Variants in DIAPH3 observed in about 807,000 individuals in gnomAD.
DIAPH3 encodes protein diaphanous homolog 3.
DIAPH3 carries 117 observed loss-of-function variants against 144.3 expected under a neutral mutation model. The observed-to-expected ratio is 0.81, with a 90% CI of 0.70 to 0.95. DIAPH3 has a LOEUF of 0.95. DIAPH3 is among the 40% of genes least tolerant of loss of function. The probability of loss-of-function intolerance (pLI) is 0.00; values close to 1 mark genes in which losing one functional copy is unlikely to be tolerated. For missense variants in DIAPH3, 1,421 were observed against 1,412.7 expected (o/e 1.01, Z -0.09); for synonymous variants, 519 against 488.9 (o/e 1.06, Z -0.81).
At chr13:59,890,257 C>T (rs1358502598) in intron 20 of DIAPH3, among the ~76,000 whole-genome samples, 1 of 152,044 alleles carries the variant, frequency 6.6e-6, no homozygotes, top group Non-Finnish European at 1.5e-5. Context: ...GTTTCACTGC[C>T]ATAAATTCTG....
Position 59,911,881 on chromosome 13 carries a change from C to A in DIAPH3, c.2266-45G>T, listed in dbSNP as rs762889412. On this transcript the variant is annotated intron_variant, in intron 19 of 27. Transcript: ENST00000400324. ...AGAAAGATCTTCACTAAATGTACTT[C>A]TTGAATTTTAAAAATATAATTTAAA... 1.4e-5 allele frequency: 19 copies of A among 1,336,736 alleles called. 1 individual carries two copies. In the Middle Eastern group the frequency reaches 5.7e-4, roughly 40 times the overall value. The allele number at this position is 1,336,736 out of a possible 1,614,324, so 82.8% of individuals were successfully genotyped here.
chr13:59,748,312 G>T (rs2036806727), intron 27 of DIAPH3, among the ~76,000 whole-genome samples: 3 of 152,172 alleles, frequency 2.0e-5, no homozygotes, highest in Admixed American at 6.5e-5. Context: ...GAGGGCTGCT[G>T]TGGCTTGATC....
At chr13:59,859,439 A>G (rs758991921) in intron 22 of DIAPH3, among the ~76,000 whole-genome samples, 1 of 152,218 alleles carries the variant, frequency 6.6e-6, no homozygotes, top group South Asian at 2.1e-4. Context: ...ACAAATTATA[A>G]TATCAATAAA....
chr13:60,000,384 T>C (rs988914033), intron 9 of DIAPH3, among the ~76,000 whole-genome samples: 1 of 151,434 alleles, frequency 6.6e-6, no homozygotes, highest in Non-Finnish European at 1.5e-5. Context: ...ATGGTTAAAA[T>C]GGTAAATTTC....
intron 20 of DIAPH3, among the ~76,000 whole-genome samples, chr13:59,903,278 G>A (rs1431820862): frequency 2.0e-5 from 3 of 152,162 alleles, no homozygotes; most frequent in Non-Finnish European, 4.4e-5. Flanking sequence ...AACACCTAAG[G>A]AATGCAAGAA....
chr13:59,943,020 T>C (rs573609034), intron 17 of DIAPH3, among the ~76,000 whole-genome samples: 4 of 152,306 alleles, frequency 2.6e-5, no homozygotes, highest in Admixed American at 2.0e-4. Context: ...TTTTTCCATA[T>C]ATATATAAGC....
intron 25 of DIAPH3, among the ~76,000 whole-genome samples, chr13:59,805,768 G>T (rs977300843): frequency 3.3e-5 from 5 of 151,904 alleles, no homozygotes; most frequent in Admixed American, 1.3e-4. Flanking sequence ...TCTTAGTTTG[G>T]TTGCTCAGAA....
intron 22 of DIAPH3, among the ~76,000 whole-genome samples, chr13:59,850,685 A>C (rs1195678179): frequency 3.3e-5 from 5 of 152,140 alleles, no homozygotes; most frequent in African/African-American, 1.2e-4. Context: ...TGATCATGAT[A>C]AAGGGGATAT....
intron 1 of DIAPH3, among the ~76,000 whole-genome samples, chr13:60,150,662 CA>C (rs1258536170): frequency 6.6e-6 from 1 of 152,140 alleles, no homozygotes; most frequent in Non-Finnish European, 1.5e-5. Context: ...CACAGATACC[CA>C]GTGTCTAAGG....
chr13:60,113,871 G>C (rs1487472955), intron 2 of DIAPH3, among the ~76,000 whole-genome samples: 1 of 152,104 alleles, frequency 6.6e-6, no homozygotes, highest in Non-Finnish European at 1.5e-5. Context: ...CAGCCATTTG[G>C]CAAGTCTACA....
intron 27 of DIAPH3, among the ~76,000 whole-genome samples, chr13:59,698,013 T>C (rs762514404): frequency 3.9e-5 from 6 of 152,198 alleles, no homozygotes; most frequent in Non-Finnish European, 8.8e-5. Flanking sequence ...TACATTATCT[T>C]AAATTATGGT....
At chr13:59,749,227 A>G in intron 27 of DIAPH3, among the ~76,000 whole-genome samples, 1 of 148,642 alleles carries the variant, frequency 6.7e-6, no homozygotes, top group African/African-American at 2.5e-5. Context: ...AAAAAAAAAA[A>G]AAAAAAAGTA....
chr13:59,739,551 C>T (rs2036339530), intron 27 of DIAPH3, among the ~76,000 whole-genome samples: 1 of 152,134 alleles, frequency 6.6e-6, no homozygotes, highest in Non-Finnish European at 1.5e-5. Flanking sequence ...TACTCTGGAA[C>T]AGGCATTTTG....
intron 25 of DIAPH3, among the ~76,000 whole-genome samples, chr13:59,792,216 G>A (rs1020996107): frequency 1.3e-5 from 2 of 152,140 alleles, no homozygotes; most frequent in African/African-American, 4.8e-5. Flanking sequence ...CACAGGTGGA[G>A]GACATGGGAA....
In DIAPH3 at chr13:60,155,537, T is replaced by C. The variant is rs551552449; in HGVS notation, c.180+8050A>G. 2.0e-5 allele frequency among the ~76,000 whole-genome samples: 3 copies of C among 152,340 alleles called. No individual in the cohort carries two copies. The East Asian group carries it at 5.8e-4, about 29-fold the overall frequency. The stretch of plus-strand genomic sequence containing the variant: ...GGCTGGGAAAATTCAGAGCAATTTC[T>C]TAGAACAGCAGCCTGAATAAAATGA... On this transcript the variant is annotated intron_variant, in intron 1 of 27. Coordinates refer to ENST00000400324, the MANE Select transcript of DIAPH3 (RefSeq NM_001042517.2).
chr13:59,966,785 C>G (rs1210283161), intron 17 of DIAPH3, among the ~76,000 whole-genome samples: 1 of 152,148 alleles, frequency 6.6e-6, no homozygotes, highest in East Asian at 1.9e-4. Flanking sequence ...GATGGAATGT[C>G]CATCTTTGTA....
At chr13:59,851,959 T>C (rs1459253146) in intron 22 of DIAPH3, among the ~76,000 whole-genome samples, 1 of 152,130 alleles carries the variant, frequency 6.6e-6, no homozygotes, top group Non-Finnish European at 1.5e-5. Flanking sequence ...TTTTTTTTTT[T>C]CTGTCACTCA....
At chr13:60,009,587 C>G (rs1015491897) in intron 8 of DIAPH3, among the ~76,000 whole-genome samples, 1 of 152,206 alleles carries the variant, frequency 6.6e-6, no homozygotes, top group African/African-American at 2.4e-5. Flanking sequence ...AATACTGAAG[C>G]TGTATGCCTG....
intron 20 of DIAPH3, among the ~76,000 whole-genome samples, chr13:59,885,249 C>G (rs2045358245): frequency 6.6e-6 from 1 of 152,010 alleles, no homozygotes; most frequent in South Asian, 2.1e-4. Flanking sequence ...TTTCATATCT[C>G]TTGAATTAAA....
Sources: gnomAD v4.1 joint callset for allele counts (sites outside exome capture counted in the v4.1 genomes callset) on GRCh38, gnomAD v4.1.1 for gene constraint, MANE v1.5 for transcripts, NCBI Gene and HGNC (gene_info 2026-07-23, HGNC 2026-07-21) for gene names.